MACROD2: variants seen among roughly 807,000 people sequenced by gnomAD.
MACROD2 encodes the protein mono-ADP ribosylhydrolase 2.
Under a neutral mutation model 70.4 loss-of-function variants are expected in MACROD2, and 36 were observed. That is an observed-to-expected ratio of 0.51 (90% confidence interval 0.39 to 0.68). MACROD2 has a LOEUF of 0.68. MACROD2 is among the 30% of genes least tolerant of loss of function. The probability of loss-of-function intolerance (pLI) is 0.00; values close to 1 mark genes in which losing one functional copy is unlikely to be tolerated. For synonymous variants in MACROD2, 172 were observed against 178.8 expected (o/e 0.96, Z 0.30); for missense variants, 496 against 538.4 (o/e 0.92, Z 0.78).
intron 5 of MACROD2, among the ~76,000 whole-genome samples, chr20:15,020,928 T>C (rs2075162208): frequency 6.6e-6 from 1 of 150,692 alleles, no homozygotes; most frequent in Admixed American, 6.6e-5. Context: ...TATATACACA[T>C]ATATATGTAT....
intron 5 of MACROD2, among the ~76,000 whole-genome samples, chr20:15,068,494 G>A (rs780439784): frequency 3.3e-5 from 5 of 152,160 alleles, no homozygotes; most frequent in Non-Finnish European, 7.4e-5. Context: ...AGTGGGAGGT[G>A]TTTGGGTCAT....
At chr20:15,561,144 ACAT>A (rs2048238680) in intron 8 of MACROD2, among the ~76,000 whole-genome samples, 1 of 152,230 alleles carries the variant, frequency 6.6e-6, no homozygotes, top group South Asian at 2.1e-4. Flanking sequence ...CTACTCAATG[ACAT>A]CATTCATGGT....
chr20:15,240,752 A>T (rs917004309), intron 6 of MACROD2, among the ~76,000 whole-genome samples: 1 of 152,130 alleles, frequency 6.6e-6, no homozygotes, highest in Non-Finnish European at 1.5e-5. Flanking sequence ...TTAGACTTAA[A>T]TGAGTTGATA....
intron 10 of MACROD2, among the ~76,000 whole-genome samples, chr20:15,912,636 G>T (rs2065253836): frequency 6.6e-6 from 1 of 152,152 alleles, no homozygotes; most frequent in South Asian, 2.1e-4. Context: ...GACCACAAAA[G>T]TTGGTTATCG....
At chr20:15,405,644 G>A (rs1432027351) in intron 6 of MACROD2, among the ~76,000 whole-genome samples, 2 of 152,246 alleles carry the variant, frequency 1.3e-5, no homozygotes, top group African/African-American at 4.8e-5. Flanking sequence ...TGGGAATCCT[G>A]TTTCTTTACT....
chr20:14,627,908 C>T (rs1411124391), intron 4 of MACROD2, among the ~76,000 whole-genome samples: 2 of 152,132 alleles, frequency 1.3e-5, no homozygotes, highest in Non-Finnish European at 2.9e-5. Flanking sequence ...AAGGGAAAAG[C>T]AGATAAATTA....
At chr20:14,925,681 G>A (rs549188577) in intron 5 of MACROD2, among the ~76,000 whole-genome samples, 59 of 152,246 alleles carry the variant, frequency 3.9e-4, no homozygotes, top group African/African-American at 1.1e-3. Context: ...TTTGTATAGC[G>A]TAGAATGTAC....
At position 14,634,634 on chromosome 20, in the gene MACROD2, G is replaced by C. The variant is rs146366257; in HGVS notation, c.302-50209G>C. On this transcript the variant is annotated intron_variant, in intron 4 of 17. Transcript: ENST00000684519. ...TTGGGCAAATCAGGACTTCCTGAGAGAGTTTTACTTGAATTGCCTGTAAGT... is the reference window on the plus strand; with the variant it reads ...TTGGGCAAATCAGGACTTCCTGAGACAGTTTTACTTGAATTGCCTGTAAGT... Among the ~76,000 whole-genome samples the C allele has an allele frequency of 4.9e-3, 731 of 149,944 alleles. 5 individuals carry two copies. Among genetic ancestry groups the C allele is most frequent in the African/African-American group, 0.017 (687 of 40,836 alleles).
intron 4 of MACROD2, among the ~76,000 whole-genome samples, chr20:14,505,546 A>G (rs1478337841): frequency 1.3e-5 from 2 of 152,240 alleles, no homozygotes; most frequent in African/African-American, 4.8e-5. Context: ...GAAGAACTCT[A>G]TTACAAGTAT....
chr20:15,753,360 A>G (rs2146985012), intron 8 of MACROD2, among the ~76,000 whole-genome samples: 1 of 152,328 alleles, frequency 6.6e-6, no homozygotes, highest in Non-Finnish European at 1.5e-5. Flanking sequence ...AAGTGAGAAC[A>G]TGGAGTATTA....
intron 3 of MACROD2, among the ~76,000 whole-genome samples, chr20:14,357,066 C>A (rs948856221): frequency 6.6e-6 from 1 of 152,180 alleles, no homozygotes; most frequent in Non-Finnish European, 1.5e-5. Flanking sequence ...AGTACTACTT[C>A]CATCATAGTC....
At chr20:14,672,222 G>A (rs1006363766) in intron 4 of MACROD2, among the ~76,000 whole-genome samples, 7 of 152,196 alleles carry the variant, frequency 4.6e-5, no homozygotes, top group African/African-American at 1.7e-4. Flanking sequence ...CAGTTGCCAG[G>A]AAAGCTGAAT....
chr20:14,567,179 A>C (rs1979868108), intron 4 of MACROD2, among the ~76,000 whole-genome samples: 1 of 152,032 alleles, frequency 6.6e-6, no homozygotes, highest in Admixed American at 6.6e-5. Context: ...GCATTAGTAC[A>C]TAAATATATA....
chr20:14,470,978 A>G (rs977488628), intron 3 of MACROD2, among the ~76,000 whole-genome samples: 11 of 151,932 alleles, frequency 7.2e-5, no homozygotes, highest in African/African-American at 2.4e-4. Flanking sequence ...GTATGTAAAA[A>G]ACTCTTGCAG....
chr20:15,360,079 A>G (rs910166987), intron 6 of MACROD2, among the ~76,000 whole-genome samples: 1 of 152,182 alleles, frequency 6.6e-6, no homozygotes, highest in Non-Finnish European at 1.5e-5. Context: ...CATTTTTAGA[A>G]TGTTATATAT....
chr20:14,972,016 G>A (rs916303702), intron 5 of MACROD2, among the ~76,000 whole-genome samples: 1 of 152,144 alleles, frequency 6.6e-6, no homozygotes, highest in African/African-American at 2.4e-5. Flanking sequence ...AAAATGATTT[G>A]GGGGCTTCTT....
intron 5 of MACROD2, among the ~76,000 whole-genome samples, chr20:14,989,408 G>A (rs2074879973): frequency 6.6e-6 from 1 of 152,158 alleles, no homozygotes; most frequent in South Asian, 2.1e-4. Context: ...ATTCAAGGAT[G>A]AGTTGGAAAA....
chr20:15,006,937 A>T (rs1437344759), intron 5 of MACROD2, among the ~76,000 whole-genome samples: 1 of 152,220 alleles, frequency 6.6e-6, no homozygotes, highest in East Asian at 1.9e-4. Context: ...AGGTGAACAA[A>T]AAGAGTGTTT....
At chr20:15,659,454 C>T (rs1466937775) in intron 8 of MACROD2, among the ~76,000 whole-genome samples, 6 of 151,742 alleles carry the variant, frequency 4.0e-5, no homozygotes, top group Non-Finnish European at 5.9e-5. Flanking sequence ...AACCCACCTT[C>T]TTTTAGTTCT....
Sources: gnomAD v4.1 joint callset for allele counts (sites outside exome capture counted in the v4.1 genomes callset) on GRCh38, gnomAD v4.1.1 for gene constraint, MANE v1.5 for transcripts, NCBI Gene and HGNC (gene_info 2026-07-23, HGNC 2026-07-21) for gene names.